The following SDC3 variants were observed in gnomAD, a reference collection of about 807,000 sequenced individuals.
SDC3 encodes syndecan 3.
In SDC3, 13 loss-of-function variants were observed where a neutral mutation model predicts 24.4. That is an observed-to-expected ratio of 0.53 (90% CI 0.35 to 0.85). The LOEUF is 0.85. SDC3 is among the 40% of genes least tolerant of loss of function. The pLI, the probability that SDC3 is intolerant of heterozygous loss-of-function variation, is 0.01. For missense variants in SDC3, 571 were observed against 584.5 expected (o/e 0.98, Z 0.24); for synonymous variants, 295 against 260.9 (o/e 1.13, Z -1.26).
chr1:30,896,474 T>G (rs1639999757), intron 1 of SDC3, among the ~76,000 whole-genome samples: 1 of 152,016 alleles, frequency 6.6e-6, no homozygotes, highest in African/African-American at 2.4e-5. Context: ...AGTGGCTTAC[T>G]GTGCTTGGGG....
intron 1 of SDC3, among the ~76,000 whole-genome samples, chr1:30,885,403 C>A (rs1639813192): frequency 6.6e-6 from 1 of 152,172 alleles, no homozygotes; most frequent in African/African-American, 2.4e-5. Flanking sequence ...GGATTACAGG[C>A]AGCTTTAATT....
rs1412780499 is a variant in SDC3, at chr1:30,894,267, GGGTGA to G, written c.138+14177_138+14181del. 1.7e-3 allele frequency among the ~76,000 whole-genome samples: 259 copies of G among 148,444 alleles called. 1 individual carries two copies. Among genetic ancestry groups the G allele is most frequent in the African/African-American group, 5.6e-3 (224 of 40,278 alleles). On this transcript the variant is annotated intron_variant, in intron 1 of 4. Transcript: ENST00000339394. ...TGTGTGGATGAGTATGTGTGTGTGTGGGTGAGTGTGTGTGGGGGAGTGAGAGAGTG... is the reference window on the plus strand; with the variant it reads ...TGTGTGGATGAGTATGTGTGTGTGTGGTGTGTGTGGGGGAGTGAGAGAGTG...
intron 1 of SDC3, among the ~76,000 whole-genome samples, chr1:30,889,061 G>A (rs1639870586): frequency 6.6e-6 from 1 of 152,220 alleles, no homozygotes; most frequent in African/African-American, 2.4e-5. Context: ...AGAGGCCTGG[G>A]AGACACAGCA....
Position 30,897,590 on chromosome 1 carries a change from C to CCCAGCAAGGCCTGATTGGCCCTACATT in SDC3, c.138+10832_138+10858dup, listed in dbSNP as rs550822389. Among the ~76,000 whole-genome samples the CCCAGCAAGGCCTGATTGGCCCTACATT allele has an allele frequency of 1.4e-3, 208 of 152,288 alleles. 3 individuals are homozygous for CCCAGCAAGGCCTGATTGGCCCTACATT. The East Asian group carries it at 0.034, about 25-fold the overall frequency. On this transcript the variant is annotated intron_variant, in intron 1 of 4. Coordinates refer to ENST00000339394, the MANE Select transcript of SDC3 (RefSeq NM_014654.4). ...GACAACAGCCACACAAGTTCAGGTACCCAGCAAGGCCTGATTGGCCCTACA... is the reference window on the plus strand; with the variant it reads ...GACAACAGCCACACAAGTTCAGGTACCCAGCAAGGCCTGATTGGCCCTACATTCCAGCAAGGCCTGATTGGCCCTACA...
At chr1:30,880,091 A>T (rs1180329901) in intron 1 of SDC3, 1 of 152,320 alleles carries the variant, frequency 6.6e-6, no homozygotes, top group African/African-American at 2.4e-5. Context: ...AGAGACAAGC[A>T]TCGAGCCTCC....
chr1:30,885,639 G>C (rs914598593), intron 1 of SDC3, among the ~76,000 whole-genome samples: 1 of 152,228 alleles, frequency 6.6e-6, no homozygotes, highest in Non-Finnish European at 1.5e-5. Context: ...AAAAGCCTCT[G>C]AGGGAGCTGG....
chr1:30,891,173 G>A (rs1448859378), intron 1 of SDC3, among the ~76,000 whole-genome samples: 1 of 152,220 alleles, frequency 6.6e-6, no homozygotes, highest in East Asian at 1.9e-4. Context: ...GCCAGGGAAG[G>A]GGCAGAGCCT....
Position 30,908,693 on chromosome 1 carries a change from G to C in SDC3, c.-107C>G. 9.4e-6 allele frequency: 3 copies of C among 317,546 alleles called. No homozygotes were observed. The highest frequency in any genetic ancestry group is 1.3e-5 in the Non-Finnish European group (3 of 225,084). The allele number at this position is 317,546 out of a possible 1,614,324, so 19.7% of individuals were successfully genotyped here. On this transcript the variant is annotated 5_prime_UTR_variant, in exon 1 of 5. Coordinates refer to ENST00000339394, the MANE Select transcript of SDC3 (RefSeq NM_014654.4). ...GGCGGCGCGGCCCGGCGGCTGGACC[G>C]ACGCGCTCTAGGCTCGCGGGCTCCC...
At chr1:30,877,331 A>C in intron 2 of SDC3, 166 bp from the exon 3 acceptor site, 1 of 923,044 alleles carries the variant, frequency 1.1e-6, no homozygotes, top group African/African-American at 1.7e-5. Flanking sequence ...GCCCAGCTAA[A>C]GGTGGTCAGT....
At chr1:30,898,357 G>C (rs115397932) in intron 1 of SDC3, among the ~76,000 whole-genome samples, 1 of 152,118 alleles carries the variant, frequency 6.6e-6, no homozygotes, top group African/African-American at 2.4e-5. Context: ...AGTCTTCAGG[G>C]TCTAAATCAA....
chr1:30,873,447 T>G (rs978068958), intron 4 of SDC3, 70 bp from the exon 5 acceptor site: 6 of 1,203,000 alleles, frequency 5.0e-6, no homozygotes, highest in Non-Finnish European at 6.1e-6. Flanking sequence ...TCCTCAGGGG[T>G]GGGGGCCAGG....
chr1:30,887,013 T>G (rs1241881625), intron 1 of SDC3, among the ~76,000 whole-genome samples: 1 of 152,098 alleles, frequency 6.6e-6, no homozygotes, highest in East Asian at 1.9e-4. Flanking sequence ...CTCCTAGCCC[T>G]AATCAGTTTC....
chr1:30,906,707 A>G (rs897711722), intron 1 of SDC3, among the ~76,000 whole-genome samples: 2 of 152,144 alleles, frequency 1.3e-5, no homozygotes, highest in African/African-American at 4.8e-5. Flanking sequence ...GGGACAACCA[A>G]GGGTCAGAGA....
At position 30,905,708 on chromosome 1, in the gene SDC3, G is replaced by A. The variant is rs557084590; in HGVS notation, c.138+2741C>T. ...ACTTTTGAAAGAACATGTTTCAAAA[G>A]CTAAAATGTTCAGGATCCTCACACT... On this transcript the variant is annotated intron_variant, in intron 1 of 4. Coordinates refer to ENST00000339394, the MANE Select transcript of SDC3 (RefSeq NM_014654.4). Among the ~76,000 whole-genome samples, 4 of 152,192 alleles carry A rather than the reference G, an allele frequency of 2.6e-5. No homozygotes were observed. The South Asian group carries it at 8.3e-4, about 32-fold the overall frequency.
upstream of SDC3, among the ~76,000 whole-genome samples, chr1:30,908,956 C>G (rs865987571): frequency 6.6e-6 from 1 of 151,702 alleles, no homozygotes; most frequent in African/African-American, 2.4e-5. Context: ...ACCCGGACAC[C>G]TGAGTGAGCA....
chr1:30,906,425 C>T (rs1014433498), intron 1 of SDC3, among the ~76,000 whole-genome samples: 6 of 152,146 alleles, frequency 3.9e-5, no homozygotes, highest in South Asian at 4.1e-4. Context: ...TCAGGTCACC[C>T]GTGTTGCGAG....
At chr1:30,908,368 G>GT (rs1638573647) in intron 1 of SDC3, 81 bp downstream of exon 1, 17 of 828,448 alleles carry the variant, frequency 2.1e-5, no homozygotes, top group Non-Finnish European at 2.5e-5. Context: ...CCCGGAGGGG[G>GT]GGTCGCGGGC....
chr1:30,893,859 A>G (rs1191266676), intron 1 of SDC3, among the ~76,000 whole-genome samples: 2 of 152,074 alleles, frequency 1.3e-5, no homozygotes, highest in Non-Finnish European at 2.9e-5. Context: ...AGAGTGTGGT[A>G]AATAACATAT....
chr1:30,908,596 G>A lies in SDC3; in HGVS notation c.-10C>T. ...GCGGCCCCGGCTTCATGGCGGCGGC[G>A]CGGGCGCGGGCGGCGGGCGGCGGGC... On this transcript the variant is annotated 5_prime_UTR_variant, in exon 1 of 5. Coordinates refer to ENST00000339394, the MANE Select transcript of SDC3 (RefSeq NM_014654.4). The A allele has an allele frequency of 2.1e-6, 2 of 970,246 alleles. No individual in the cohort carries two copies. Among genetic ancestry groups the A allele is most frequent in the South Asian group, 4.6e-5 (1 of 21,708 alleles). The allele number at this position is 970,246 out of a possible 1,614,324, so 60.1% of individuals were successfully genotyped here.
Sources: allele counts gnomAD v4.1 joint callset (sites outside exome capture counted in the v4.1 genomes callset), GRCh38; gene constraint gnomAD v4.1.1; transcripts MANE v1.5; gene names NCBI Gene and HGNC (gene_info 2026-07-23, HGNC 2026-07-21).